TMEM217B: variants seen among roughly 807,000 people sequenced by gnomAD.
TMEM217B encodes putative transmembrane protein 217B.
At chr6:37,235,510 C>T in the TMEM217B span, among the ~76,000 whole-genome samples, 13 of 152,252 alleles carry the variant, frequency 8.5e-5, no homozygotes, top group African/African-American at 3.1e-4. Flanking sequence ...GGACTACAGG[C>T]ACCCGCCACC....
At chr6:37,258,078 T>G in the TMEM217B span, 1 of 1,330,156 alleles carries the variant, frequency 7.5e-7, no homozygotes, top group Non-Finnish European at 1.0e-6. Flanking sequence ...AGAAGACTGG[T>G]TTGGGGAAGC....
At chr6:37,234,287 G>A in the TMEM217B span, among the ~76,000 whole-genome samples, 1 of 151,850 alleles carries the variant, frequency 6.6e-6, no homozygotes, top group Non-Finnish European at 1.5e-5. Context: ...TTTAGTCGAG[G>A]TGGGGTTTCT....
the TMEM217B span, among the ~76,000 whole-genome samples, chr6:37,232,565 G>T: frequency 5.7e-5 from 6 of 105,486 alleles, no homozygotes; most frequent in Non-Finnish European, 1.2e-4. Context: ...CCTAAACACT[G>T]CTGGGAAATC....
the TMEM217B span, among the ~76,000 whole-genome samples, chr6:37,252,499 C>CAT: frequency 0.032 from 4,778 of 150,750 alleles, 240 homozygotes; most frequent in African/African-American, 0.11. Context: ...TACATGTATG[C>CAT]ATATATATAT....
chr6:37,215,166 C>A, the TMEM217B span: 2 of 1,608,316 alleles, frequency 1.2e-6, no homozygotes, highest in East Asian at 4.5e-5. Context: ...TAGCCAAGGT[C>A]CTCTGGTACA....
At chr6:37,235,890 G>A in the TMEM217B span, among the ~76,000 whole-genome samples, 1 of 152,086 alleles carries the variant, frequency 6.6e-6, no homozygotes, top group African/African-American at 2.4e-5. Context: ...CTTCCCCAAA[G>A]TCCCTATCTC....
At chr6:37,216,742 G>C in the TMEM217B span, among the ~76,000 whole-genome samples, 12 of 152,160 alleles carry the variant, frequency 7.9e-5, no homozygotes, top group Non-Finnish European at 1.6e-4. Context: ...AGCATTAAAA[G>C]ATGGGGCCTT....
chr6:37,245,784 TTTTCTTTC>T, the TMEM217B span, among the ~76,000 whole-genome samples: 2 of 140,232 alleles, frequency 1.4e-5, no homozygotes, highest in Non-Finnish European at 3.1e-5. Context: ...TTTTCTTTTC[TTTTCTTTC>T]TTTCTTTCTT....
chr6:37,257,801 G>A, the TMEM217B span: 1 of 1,138,730 alleles, frequency 8.8e-7, no homozygotes, highest in Non-Finnish European at 1.3e-6. Flanking sequence ...CAGGAGCTGG[G>A]AGCGGGTGAC....
the TMEM217B span, among the ~76,000 whole-genome samples, chr6:37,227,498 G>A: frequency 6.6e-6 from 1 of 152,298 alleles, no homozygotes; most frequent in South Asian, 2.1e-4. Context: ...CCAGGCTGGA[G>A]TGTAGTGGCG....
the TMEM217B span, among the ~76,000 whole-genome samples, chr6:37,255,069 C>T: frequency 1.8e-4 from 27 of 152,316 alleles, no homozygotes; most frequent in East Asian, 4.2e-3. Flanking sequence ...CGCCACTCAC[C>T]TCCTGCTGTG....
At chr6:37,255,330 T>C in the TMEM217B span, among the ~76,000 whole-genome samples, 1 of 152,062 alleles carries the variant, frequency 6.6e-6, no homozygotes, top group Non-Finnish European at 1.5e-5. Context: ...CCAAGTACAA[T>C]GGGGGCCATT....
chr6:37,215,053 A>T, the TMEM217B span: 1 of 989,242 alleles, frequency 1.0e-6, no homozygotes, highest in African/African-American at 1.6e-5. Flanking sequence ...TGTCTGTATA[A>T]AGCCCACTGG....
At chr6:37,218,014 GA>G in the TMEM217B span, 16 of 991,448 alleles carry the variant, frequency 1.6e-5, no homozygotes, top group Non-Finnish European at 1.8e-5. Context: ...ATGTTCTCCT[GA>G]AAGAGTGGCA....
the TMEM217B span, among the ~76,000 whole-genome samples, chr6:37,214,219 C>T: frequency 1.3e-5 from 2 of 152,166 alleles, no homozygotes; most frequent in African/African-American, 4.8e-5. Context: ...ATCTCCAGAA[C>T]TTCCTTTCTC....
chr6:37,241,799 C>T, the TMEM217B span, among the ~76,000 whole-genome samples: 1 of 152,218 alleles, frequency 6.6e-6, no homozygotes, highest in African/African-American at 2.4e-5. Context: ...TTATTTAAAA[C>T]TCCATTAACT....
the TMEM217B span, among the ~76,000 whole-genome samples, chr6:37,231,401 G>A: frequency 1.3e-5 from 2 of 150,776 alleles, no homozygotes; most frequent in African/African-American, 4.9e-5. Context: ...CAGGCTGGGC[G>A]CGGTGGCTCA....
At chr6:37,242,924 C>A in the TMEM217B span, among the ~76,000 whole-genome samples, 30 of 152,168 alleles carry the variant, frequency 2.0e-4, no homozygotes, top group African/African-American at 6.5e-4. Context: ...AAACATTTCC[C>A]AGAAAACCCC....
At chr6:37,243,319 G>A in the TMEM217B span, among the ~76,000 whole-genome samples, 4 of 152,330 alleles carry the variant, frequency 2.6e-5, no homozygotes, top group African/African-American at 9.6e-5. Flanking sequence ...GTGCAGCTGA[G>A]TGTGGTCATG....
Sources: allele counts gnomAD v4.1 joint callset (sites outside exome capture counted in the v4.1 genomes callset), GRCh38; gene constraint gnomAD v4.1.1; transcripts MANE v1.5; gene names NCBI Gene and HGNC (gene_info 2026-07-23, HGNC 2026-07-21).